IRF2: variants seen among roughly 807,000 people sequenced by gnomAD.
IRF2 encodes interferon regulatory factor 2.
IRF2 carries 15 observed loss-of-function variants against 40.6 expected under a neutral mutation model. The observed-to-expected ratio is 0.37, with a 90% CI of 0.25 to 0.57. The LOEUF is 0.57. IRF2 is among the 20% of genes least tolerant of loss of function. IRF2 has a pLI of 0.77. For missense variants in IRF2, 317 were observed against 455.7 expected (o/e 0.70, Z 2.77); for synonymous variants, 151 against 165.5 (o/e 0.91, Z 0.67).
chr4:184,446,426 G>A (rs957232614), intron 1 of IRF2, among the ~76,000 whole-genome samples: 3 of 152,228 alleles, frequency 2.0e-5, no homozygotes, highest in African/African-American at 7.2e-5. Flanking sequence ...ACAGCCCTGT[G>A]CAGGGGCTGG....
At chr4:184,467,273 C>G (rs937248376) in intron 1 of IRF2, among the ~76,000 whole-genome samples, 3 of 152,178 alleles carry the variant, frequency 2.0e-5, no homozygotes, top group Non-Finnish European at 4.4e-5. Context: ...GACATTTATG[C>G]AAAGACAGAA....
At chr4:184,409,339 C>A (rs973933065) in intron 5 of IRF2, among the ~76,000 whole-genome samples, 8 of 152,152 alleles carry the variant, frequency 5.3e-5, no homozygotes, top group African/African-American at 1.9e-4. Context: ...CTCAAAAAGT[C>A]ACTAACGGAA....
intron 1 of IRF2, among the ~76,000 whole-genome samples, chr4:184,454,847 T>C (rs1738854818): frequency 6.6e-6 from 1 of 152,258 alleles, no homozygotes; most frequent in South Asian, 2.1e-4. Context: ...AAGAAACAGA[T>C]AAAGGCTAGT....
At chr4:184,426,323 A>G (rs1737672337) in intron 2 of IRF2, among the ~76,000 whole-genome samples, 1 of 151,980 alleles carries the variant, frequency 6.6e-6, no homozygotes, top group Admixed American at 6.6e-5. Context: ...GCCAGGGCTC[A>G]CTCCTTTCCA....
chr4:184,390,129 G>T (rs972677489), intron 8 of IRF2, among the ~76,000 whole-genome samples: 1 of 152,158 alleles, frequency 6.6e-6, no homozygotes, highest in Middle Eastern at 3.4e-3. Context: ...TCACTCAAGC[G>T]CAGACCCCCA....
rs868457050 is a variant in IRF2 at position 184,453,062 on chromosome 4, C to T, written c.-7+21317G>A. 1.2e-4 allele frequency among the ~76,000 whole-genome samples: 18 copies of T among 152,220 alleles called. 1 individual carries two copies. The Middle Eastern group carries it at 0.01, about 86-fold the overall frequency. Reference sequence around the variant, plus strand: ...TAAAAAAAGAAAAAACTACAATGATCTTGAAATCTGATGCAGATACACATG... The same window carrying T: ...TAAAAAAAGAAAAAACTACAATGATTTTGAAATCTGATGCAGATACACATG... On this transcript the variant is annotated intron_variant, in intron 1 of 8. Transcript: ENST00000393593.
chr4:184,470,495 G>C (rs1739474584), intron 1 of IRF2, among the ~76,000 whole-genome samples: 1 of 151,922 alleles, frequency 6.6e-6, no homozygotes, highest in African/African-American at 2.4e-5. Flanking sequence ...AGCCTGGCCA[G>C]CATGCTGAAA....
chr4:184,444,452 C>T (rs767390968), intron 1 of IRF2, among the ~76,000 whole-genome samples: 4 of 152,172 alleles, frequency 2.6e-5, no homozygotes, highest in East Asian at 1.9e-4. Context: ...GGATAACTTC[C>T]GCATGGTTTG....
Position 184,449,864 on chromosome 4 carries a change from G to A in IRF2, c.-6-20794C>T, listed in dbSNP as rs185751743. Among the ~76,000 whole-genome samples the A allele has an allele frequency of 9.9e-3, 1,501 of 152,318 alleles. 10 individuals are homozygous for A. The highest frequency in any genetic ancestry group is 0.016 in the Non-Finnish European group (1,118 of 68,036). ...GGTATGTGGTTAGTATGGTGACCAAGCCAAAATGGAGCACTTCTGAATGTG... is the reference window on the plus strand; with the variant it reads ...GGTATGTGGTTAGTATGGTGACCAAACCAAAATGGAGCACTTCTGAATGTG... On this transcript the variant is annotated intron_variant, in intron 1 of 8. Transcript: ENST00000393593.
chr4:184,389,188 G>A (rs939555570), intron 8 of IRF2, 122 bp from the exon 9 acceptor site: 16 of 930,816 alleles, frequency 1.7e-5, no homozygotes, highest in Non-Finnish European at 2.7e-5. Context: ...GGGAGGCTGA[G>A]GCTGGAGGAT....
intron 8 of IRF2, among the ~76,000 whole-genome samples, chr4:184,389,662 T>C (rs1312725334): frequency 6.6e-6 from 1 of 152,114 alleles, no homozygotes; most frequent in African/African-American, 2.4e-5. Context: ...GACTACTCTG[T>C]GAAGGCAGGA....
chr4:184,416,523 G>A (rs1257679075), intron 5 of IRF2, among the ~76,000 whole-genome samples: 1 of 151,962 alleles, frequency 6.6e-6, no homozygotes, highest in Non-Finnish European at 1.5e-5. Context: ...CAAACTACAC[G>A]AATGTTATAA....
chr4:184,428,947 C>G, intron 2 of IRF2, 31 bp downstream of exon 2: 2 of 1,575,242 alleles, frequency 1.3e-6, no homozygotes, highest in Non-Finnish European at 1.7e-6. Flanking sequence ...CAGGACCTCT[C>G]TCACACATAC....
Position 184,389,845 on chromosome 4 carries a change from G to C in IRF2, c.742-779C>G, listed in dbSNP as rs549430434. ...CAGAGAAAAGGCAGCGAGGAACTTA[G>C]TGACAGGCAATGAATGCCCCTTGAT... On this transcript the variant is annotated intron_variant, in intron 8 of 8. Coordinates refer to ENST00000393593, the MANE Select transcript of IRF2 (RefSeq NM_002199.4). 2.8e-4 allele frequency among the ~76,000 whole-genome samples: 43 copies of C among 152,302 alleles called. No individual in the cohort carries two copies. The South Asian group carries it at 8.9e-3, about 32-fold the overall frequency.
At chr4:184,414,085 T>A (rs1440956716) in intron 5 of IRF2, among the ~76,000 whole-genome samples, 2 of 152,198 alleles carry the variant, frequency 1.3e-5, no homozygotes, top group Admixed American at 6.5e-5. Context: ...TGAATCAGCT[T>A]CTCTGTGCAC....
At chr4:184,390,257 C>T (rs1481013989) in intron 8 of IRF2, among the ~76,000 whole-genome samples, 1 of 152,222 alleles carries the variant, frequency 6.6e-6, no homozygotes, top group Middle Eastern at 3.2e-3. Flanking sequence ...ATGGGGCACA[C>T]AACCAGCTCT....
At chr4:184,410,926 C>T (rs1413713206) in intron 5 of IRF2, among the ~76,000 whole-genome samples, 1 of 152,200 alleles carries the variant, frequency 6.6e-6, no homozygotes, top group Non-Finnish European at 1.5e-5. Context: ...GACACCGGAA[C>T]TGAACTCTGT....
chr4:184,436,039 C>T (rs978017676), intron 1 of IRF2, among the ~76,000 whole-genome samples: 3 of 149,270 alleles, frequency 2.0e-5, no homozygotes, highest in East Asian at 3.9e-4. Context: ...TGCAGTGGCT[C>T]GAACTCGACT....
chr4:184,472,583 G>A, intron 1 of IRF2: 1 of 152,026 alleles, frequency 6.6e-6, no homozygotes. Flanking sequence ...GGCTGAAGAC[G>A]AATGCCAGCA....
Sources: allele counts gnomAD v4.1 joint callset (sites outside exome capture counted in the v4.1 genomes callset), GRCh38; gene constraint gnomAD v4.1.1; transcripts MANE v1.5; gene names NCBI Gene and HGNC (gene_info 2026-07-23, HGNC 2026-07-21).